Variants in MACROD2 observed in about 807,000 individuals in gnomAD.
The protein encoded by MACROD2 is mono-ADP ribosylhydrolase 2.
MACROD2 carries 36 observed loss-of-function variants against 70.4 expected under a neutral mutation model. The ratio of observed to expected loss-of-function variants is 0.51; its 90% CI spans 0.39 to 0.68. The LOEUF (loss-of-function observed/expected upper bound fraction) is 0.68, where lower values mean the gene tolerates loss of function less well. MACROD2 is among the 30% of genes least tolerant of loss of function. MACROD2 has a pLI of 0.00. For synonymous variants in MACROD2, 172 were observed against 178.8 expected (o/e 0.96, Z 0.30); for missense variants, 496 against 538.4 (o/e 0.92, Z 0.78).
intron 2 of MACROD2, among the ~76,000 whole-genome samples, chr20:14,019,607 G>T (rs2053043551): frequency 6.6e-6 from 1 of 152,032 alleles, no homozygotes. Context: ...TTGGTGGGCA[G>T]GGAGCTAGGG....
intron 3 of MACROD2, chr20:14,337,355 A>G: frequency 3.1e-6 from 1 of 322,724 alleles, no homozygotes; most frequent in Non-Finnish European, 5.6e-6. Context: ...GAGTAAAACC[A>G]AGCAAACTTT....
chr20:14,050,625 A>T (rs935669393), intron 2 of MACROD2, among the ~76,000 whole-genome samples: 1 of 152,172 alleles, frequency 6.6e-6, no homozygotes, highest in Non-Finnish European at 1.5e-5. Flanking sequence ...CGAAGGAAAA[A>T]ACTGACCCCT....
Position 14,326,805 on chromosome 20 carries a change from C to A in MACROD2, c.272-166674C>A, listed in dbSNP as rs1413963482. On this transcript the variant is annotated intron_variant, in intron 3 of 17. Coordinates refer to ENST00000684519, the MANE Select transcript of MACROD2 (RefSeq NM_001351661.2). The surrounding 1 kb of genome is among the most constrained non-coding windows in gnomAD (Gnocchi z 5.5). ...TTACTGGTGCAGCAGTCAGGGAATT[C>A]CGCACCAGGGACAGCTCTGTCAAAT... 1.9e-6 allele frequency: 3 copies of A among 1,613,752 alleles called. No homozygotes were observed. The South Asian group carries it at 3.3e-5, about 18-fold the overall frequency.
At chr20:14,201,624 G>A (rs1055712503) in intron 3 of MACROD2, among the ~76,000 whole-genome samples, 1 of 151,820 alleles carries the variant, frequency 6.6e-6, no homozygotes, top group Non-Finnish European at 1.5e-5. Context: ...GGTGGCTCAC[G>A]AGGTCAGGAG....
At chr20:15,582,077 A>G (rs1012321662) in intron 8 of MACROD2, among the ~76,000 whole-genome samples, 6 of 151,762 alleles carry the variant, frequency 4.0e-5, no homozygotes, top group South Asian at 4.2e-4. Context: ...AGCCGAGATC[A>G]TGCCACTGCA....
In MACROD2 at chr20:14,002,362, C is replaced by T. The variant is rs145602631; in HGVS notation, c.121C>T (p.Leu41=). 860 of 1,609,434 alleles carry T rather than the reference C, an allele frequency of 5.3e-4. 1 individual carries two copies. Among genetic ancestry groups the T allele is most frequent in the Non-Finnish European group, 6.4e-4 (749 of 1,178,060 alleles). The change falls in exon 2 of 18, where the codon CTA becomes TTA. Residue 41 remains leucine (L), a synonymous_variant. Coordinates refer to ENST00000684519, the MANE Select transcript of MACROD2 (RefSeq NM_001351661.2). ...LRDYIPLNSI[L]SWKEEMKGKG... ...AGACTATATTCCCCTGAACAGCATT[C>T]TATCATGGAAGGAGGAGATGAAGGG...
rs574560780 is a variant in MACROD2, at chr20:15,672,596, C to T, written c.645+172749C>T. Among the ~76,000 whole-genome samples the T allele has an allele frequency of 2.6e-4, 40 of 152,252 alleles. 1 individual carries two copies. The highest frequency in any genetic ancestry group is 4.7e-4 in the Non-Finnish European group (32 of 68,018). ...GTTCATGGGTGGGCATGTGACTCAG[C>T]CTCGGCCAATTCACACGACATATTC... On this transcript the variant is annotated intron_variant, in intron 8 of 17. Transcript: ENST00000684519.
chr20:14,083,736 A>G (rs1277587910), intron 2 of MACROD2, among the ~76,000 whole-genome samples: 1 of 152,028 alleles, frequency 6.6e-6, no homozygotes, highest in East Asian at 1.9e-4. Context: ...AGTTGCCCAC[A>G]TTATTCTCCT....
intron 4 of MACROD2, among the ~76,000 whole-genome samples, chr20:14,661,453 C>A (rs1450232729): frequency 2.0e-5 from 3 of 151,958 alleles, no homozygotes; most frequent in African/African-American, 7.3e-5. Flanking sequence ...GGATATTAGA[C>A]CTTTATCACA....
chr20:14,441,436 A>G (rs1286306055), intron 3 of MACROD2, among the ~76,000 whole-genome samples: 2 of 152,160 alleles, frequency 1.3e-5, no homozygotes, highest in Non-Finnish European at 2.9e-5. Flanking sequence ...AAGCCTCTAC[A>G]TTTTGTGGTA....
chr20:15,930,446 A>T (rs745713993), intron 10 of MACROD2, among the ~76,000 whole-genome samples: 1 of 152,226 alleles, frequency 6.6e-6, no homozygotes, highest in Non-Finnish European at 1.5e-5. Flanking sequence ...AAGAATGCAT[A>T]TGCTGGGCTT....
At chr20:15,780,986 T>C (rs1470038444) in intron 8 of MACROD2, among the ~76,000 whole-genome samples, 2 of 152,154 alleles carry the variant, frequency 1.3e-5, no homozygotes, top group Non-Finnish European at 2.9e-5. Context: ...CTTCTCCCTT[T>C]CCTTACCATG....
intron 5 of MACROD2, among the ~76,000 whole-genome samples, chr20:14,757,113 G>T (rs1418636361): frequency 6.6e-6 from 1 of 152,096 alleles, no homozygotes; most frequent in Non-Finnish European, 1.5e-5. Context: ...TATTGCAAAA[G>T]ATGACATTTT....
At chr20:15,840,422 C>T (rs1432302057) in intron 8 of MACROD2, among the ~76,000 whole-genome samples, 1 of 152,156 alleles carries the variant, frequency 6.6e-6, no homozygotes, top group African/African-American at 2.4e-5. Context: ...CCCCTGCCCT[C>T]TTAAGGAGTG....
chr20:15,079,371 C>T (rs1204548756), intron 5 of MACROD2, among the ~76,000 whole-genome samples: 1 of 152,084 alleles, frequency 6.6e-6, no homozygotes, highest in Non-Finnish European at 1.5e-5. Flanking sequence ...CACTTCTCTT[C>T]TGGTCTACCC....
chr20:14,007,170 T>A (rs1329132732), intron 2 of MACROD2, among the ~76,000 whole-genome samples: 2 of 151,528 alleles, frequency 1.3e-5, no homozygotes, highest in Non-Finnish European at 2.9e-5. Flanking sequence ...ATTCCTTATT[T>A]ATTTGTCAGA....
At chr20:15,536,648 T>C (rs1403165079) in intron 8 of MACROD2, among the ~76,000 whole-genome samples, 1 of 152,220 alleles carries the variant, frequency 6.6e-6, no homozygotes, top group Non-Finnish European at 1.5e-5. Flanking sequence ...AGCACTGGGT[T>C]ATGCCCATCT....
At chr20:14,379,186 A>G (rs1211061952) in intron 3 of MACROD2, among the ~76,000 whole-genome samples, 3 of 152,224 alleles carry the variant, frequency 2.0e-5, no homozygotes, top group African/African-American at 2.4e-5. Context: ...GATAGGTTAA[A>G]TAACTTACCA....
chr20:15,883,863 A>G (rs529641766), intron 9 of MACROD2, among the ~76,000 whole-genome samples: 153 of 152,262 alleles, frequency 1.0e-3, no homozygotes, highest in African/African-American at 3.6e-3. Flanking sequence ...CCTGGTCTCC[A>G]TCTTTACAGA....
Sources: allele counts gnomAD v4.1 joint callset (sites outside exome capture counted in the v4.1 genomes callset), GRCh38; gene constraint gnomAD v4.1.1; non-coding constraint Gnocchi (gnomAD v3.1); transcripts MANE v1.5; gene names NCBI Gene and HGNC (gene_info 2026-07-23, HGNC 2026-07-21).